GPC6: variants seen among roughly 807,000 people sequenced by gnomAD.
The protein encoded by GPC6 is glypican-6.
In GPC6, 14 loss-of-function variants were observed where a neutral mutation model predicts 55.2. That is an observed-to-expected ratio of 0.25 (90% CI 0.17 to 0.40). The LOEUF (loss-of-function observed/expected upper bound fraction) is 0.40. GPC6 is among the 10% of genes least tolerant of loss of function. The pLI is 1.00. For missense variants in GPC6, 641 were observed against 708.5 expected (o/e 0.90, Z 1.08); for synonymous variants, 278 against 259.6 (o/e 1.07, Z -0.68).
chr13:93,926,749 G>A (rs559023924), intron 3 of GPC6, among the ~76,000 whole-genome samples: 1 of 152,146 alleles, frequency 6.6e-6, no homozygotes, highest in Non-Finnish European at 1.5e-5. Context: ...GCTTTAGGCA[G>A]GCATATTGTT....
intron 4 of GPC6, among the ~76,000 whole-genome samples, chr13:94,066,503 G>A (rs903509922): frequency 3.3e-5 from 5 of 152,004 alleles, no homozygotes; most frequent in African/African-American, 1.2e-4. Context: ...TATACATTTT[G>A]TATCATTTTG....
At chr13:94,016,820 T>C (rs1594668595) in intron 3 of GPC6, among the ~76,000 whole-genome samples, 1 of 152,054 alleles carries the variant, frequency 6.6e-6, no homozygotes, top group Admixed American at 6.6e-5. Flanking sequence ...ATTTTTAAGA[T>C]GCTAATGAAA....
chr13:93,431,129 C>T (rs556555600), intron 1 of GPC6, among the ~76,000 whole-genome samples: 166 of 152,212 alleles, frequency 1.1e-3, no homozygotes, highest in African/African-American at 3.6e-3. Context: ...TCCAAGCAGG[C>T]AGTATTTTGA....
chr13:93,656,783 A>G lies in GPC6; in HGVS notation c.319+111362A>G, dbSNP rs762413523. Among the ~76,000 whole-genome samples the G allele has an allele frequency of 5.6e-4, 85 of 152,114 alleles. 3 individuals carry two copies. Among genetic ancestry groups the G allele is most frequent in the Non-Finnish European group, 1.6e-4 (11 of 67,960 alleles). Reference sequence around the variant, plus strand: ...CTGAATACAAAATCAATGTGCAAAAATCACTAGCATTTCTATACACCAATA... The same window carrying G: ...CTGAATACAAAATCAATGTGCAAAAGTCACTAGCATTTCTATACACCAATA... On this transcript the variant is annotated intron_variant, in intron 2 of 8. Transcript: ENST00000377047.
chr13:94,360,569 A>G (rs1444879391), intron 6 of GPC6, among the ~76,000 whole-genome samples: 1 of 151,724 alleles, frequency 6.6e-6, no homozygotes, highest in Non-Finnish European at 1.5e-5. Flanking sequence ...CTCAAACCAT[A>G]GTGGCGTTAA....
intron 7 of GPC6, among the ~76,000 whole-genome samples, chr13:94,383,054 T>C (rs1353176616): frequency 1.3e-5 from 2 of 152,100 alleles, no homozygotes; most frequent in Non-Finnish European, 1.5e-5. Context: ...GGCAACACAC[T>C]TTGGGAAGTC....
At chr13:94,396,874 G>A (rs1045143755) in intron 7 of GPC6, among the ~76,000 whole-genome samples, 9 of 152,212 alleles carry the variant, frequency 5.9e-5, no homozygotes, top group African/African-American at 1.7e-4. Flanking sequence ...TAGACTGGGA[G>A]TAAGTCATGG....
At chr13:94,381,686 A>G (rs532030137) in intron 6 of GPC6, among the ~76,000 whole-genome samples, 2 of 152,342 alleles carry the variant, frequency 1.3e-5, no homozygotes, top group African/African-American at 4.8e-5. Flanking sequence ...CCCAATGTTC[A>G]TTATGAAGCC....
chr13:93,699,913 T>C (rs1882609115), intron 2 of GPC6, among the ~76,000 whole-genome samples: 1 of 152,070 alleles, frequency 6.6e-6, no homozygotes, highest in South Asian at 2.1e-4. Flanking sequence ...TAACATAAGC[T>C]GAACAAACCT....
chr13:93,969,828 G>A (rs1330585735), intron 3 of GPC6, among the ~76,000 whole-genome samples: 1 of 151,958 alleles, frequency 6.6e-6, no homozygotes, highest in Non-Finnish European at 1.5e-5. Context: ...GTGGTATTTG[G>A]CTTCCTGTGC....
At position 93,961,389 on chromosome 13, in the gene GPC6, C is replaced by T. The variant is rs943402659; in HGVS notation, c.712-66340C>T. 2.1e-4 allele frequency among the ~76,000 whole-genome samples: 32 copies of T among 152,254 alleles called. 1 individual carries two copies. Among genetic ancestry groups the T allele is most frequent in the African/African-American group, 5.3e-4 (22 of 41,550 alleles). On this transcript the variant is annotated intron_variant, in intron 3 of 8. Transcript: ENST00000377047. ...CCAGGTGTTTGGAAAGTAAATAATG[C>T]GAAGCAGTGATTGAGATAAAATATG... is the stretch of plus-strand genomic sequence containing the variant.
intron 4 of GPC6, among the ~76,000 whole-genome samples, chr13:94,128,641 C>A (rs187812327): frequency 6.6e-6 from 1 of 152,106 alleles, no homozygotes. Flanking sequence ...AGTGTTACAA[C>A]TCGCTGGCCA....
intron 3 of GPC6, among the ~76,000 whole-genome samples, chr13:94,005,613 A>C (rs1034868959): frequency 6.6e-6 from 1 of 152,218 alleles, no homozygotes; most frequent in African/African-American, 2.4e-5. Flanking sequence ...ACATGATATC[A>C]ACAAGCCAAT....
chr13:94,244,639 A>G (rs1891146868), intron 4 of GPC6, among the ~76,000 whole-genome samples: 1 of 152,158 alleles, frequency 6.6e-6, no homozygotes, highest in South Asian at 2.1e-4. Flanking sequence ...AGGTTAAATC[A>G]TGGAAGTCAC....
rs569770940 is a variant in GPC6, at chr13:94,096,265, G to A, written c.877+68371G>A. ...TTTAGTATTACAGGAGCAGAGAAGG[G>A]ACTACATTACTGAACCTGCCGTGGA... On this transcript the variant is annotated intron_variant, in intron 4 of 8. Transcript: ENST00000377047. Among the ~76,000 whole-genome samples the A allele has an allele frequency of 4.2e-4, 63 of 150,568 alleles. No individual in the cohort carries two copies. The South Asian group carries it at 0.013, about 31-fold the overall frequency.
intron 1 of GPC6, among the ~76,000 whole-genome samples, chr13:93,501,762 G>A (rs1440854413): frequency 3.9e-5 from 6 of 152,062 alleles, no homozygotes; most frequent in East Asian, 1.9e-4. Flanking sequence ...GTTTCAATTC[G>A]GCTTGTGGAC....
chr13:93,735,056 A>G (rs1282051281), intron 2 of GPC6, among the ~76,000 whole-genome samples: 10 of 152,260 alleles, frequency 6.6e-5, no homozygotes, highest in Non-Finnish European at 1.2e-4. Flanking sequence ...GTGTATGTAT[A>G]TTGTCCTTTT....
At chr13:93,334,453 A>G (rs568890457) in intron 1 of GPC6, among the ~76,000 whole-genome samples, 1 of 152,166 alleles carries the variant, frequency 6.6e-6, no homozygotes, top group East Asian at 1.9e-4. Context: ...TCATTCTGAC[A>G]TTGATTCTTC....
chr13:93,672,197 CTGTG>C (rs1325940764), intron 2 of GPC6, among the ~76,000 whole-genome samples: 2 of 138,882 alleles, frequency 1.4e-5, no homozygotes, highest in South Asian at 2.3e-4. Flanking sequence ...ATTTTAATGA[CTGTG>C]TGTGTGTGTG....
Sources: gnomAD v4.1 joint callset for allele counts (sites outside exome capture counted in the v4.1 genomes callset) on GRCh38, gnomAD v4.1.1 for gene constraint, MANE v1.5 for transcripts, NCBI Gene and HGNC (gene_info 2026-07-23, HGNC 2026-07-21) for gene names.